Variants in PLA2R1 observed in about 807,000 individuals in gnomAD.
PLA2R1 encodes the protein secretory phospholipase A2 receptor.
A neutral mutation model predicts 195.9 loss-of-function variants in PLA2R1; 158 were observed. That is an observed-to-expected ratio of 0.81 (90% CI 0.71 to 0.92). The LOEUF (loss-of-function observed/expected upper bound fraction) is 0.92. PLA2R1 is among the 40% of genes least tolerant of loss of function. The pLI is 0.00. For missense variants in PLA2R1, 1,626 were observed against 1,764.6 expected (o/e 0.92, Z 1.41); for synonymous variants, 586 against 598.2 (o/e 0.98, Z 0.30).
intron 2 of PLA2R1, among the ~76,000 whole-genome samples, chr2:160,044,391 G>C (rs145348340): frequency 6.6e-6 from 1 of 152,112 alleles, no homozygotes; most frequent in African/African-American, 2.4e-5. Flanking sequence ...GAGAAATGGC[G>C]GCAGGGGAGG....
Position 159,977,366 on chromosome 2 carries a change from G to A in PLA2R1, c.2319C>T (p.Asn773=). Reference sequence around the variant, plus strand: ...TTTTGTTTGCCTTATAAACAGCACAGTTTCTTGCATCTTCTCCAAAATAAG... The same window carrying A: ...TTTTGTTTGCCTTATAAACAGCACAATTTCTTGCATCTTCTCCAAAATAAG... ...DNTYFGEDAR[N]CAVYKANKTL... is the part of the protein sequence containing the mutation. Residue 773 remains asparagine, a synonymous_variant, in exon 15 of 30, where the codon AAC becomes AAT. Coordinates refer to ENST00000283243, the MANE Select transcript of PLA2R1 (RefSeq NM_007366.5). 6.2e-7 allele frequency: 1 copy of A among 1,612,606 alleles called. No individual in the cohort carries two copies.
rs531075272 is a variant in PLA2R1 at position 160,020,159 on chromosome 2, C to G, written c.1399G>C (p.Glu467Gln). The G allele has an allele frequency of 6.2e-7, 1 of 1,613,710 alleles. No homozygotes were observed. Among genetic ancestry groups the G allele is most frequent in the Non-Finnish European group, 8.5e-7 (1 of 1,179,780 alleles). ...SVIFTNWHTL[E>Q]PHIFPNRSQL... ...CTTCTATTTGGAAAAATGTGGGGCT[C>G]AAGTGTGTGCCAATTAGTAAAGATG... The change falls in exon 8 of 30, where the codon GAG (glutamate) becomes CAG (glutamine). Residue 467 changes from glutamate (E) to glutamine (Q), a missense_variant. Coordinates refer to ENST00000283243, the MANE Select transcript of PLA2R1 (RefSeq NM_007366.5).
At chr2:159,984,931 C>T (rs1186199992) in intron 12 of PLA2R1, among the ~76,000 whole-genome samples, 1 of 152,178 alleles carries the variant, frequency 6.6e-6, no homozygotes, top group East Asian at 1.9e-4. Flanking sequence ...GTCCTGTGGA[C>T]CACAGCACAA....
At chr2:160,012,830 T>C (rs1263604012) in intron 10 of PLA2R1, among the ~76,000 whole-genome samples, 2 of 152,038 alleles carry the variant, frequency 1.3e-5, no homozygotes, top group Admixed American at 1.3e-4. Context: ...GATAATTGCT[T>C]GAACCTGGGA....
At chr2:159,957,957 G>A (rs1688202621) in intron 20 of PLA2R1, among the ~76,000 whole-genome samples, 1 of 152,168 alleles carries the variant, frequency 6.6e-6, no homozygotes, top group African/African-American at 2.4e-5. Flanking sequence ...GTCATTGATA[G>A]ATCAGATCCT....
intron 12 of PLA2R1, among the ~76,000 whole-genome samples, chr2:159,986,464 T>G (rs1382304384): frequency 1.3e-5 from 2 of 152,162 alleles, no homozygotes; most frequent in African/African-American, 2.4e-5. Context: ...CAAAACCTCC[T>G]GTCAGAGCTA....
At chr2:159,989,414 A>G (rs1690597933) in intron 11 of PLA2R1, among the ~76,000 whole-genome samples, 3 of 152,174 alleles carry the variant, frequency 2.0e-5, no homozygotes, top group Admixed American at 2.0e-4. Flanking sequence ...AAGAGAAGGG[A>G]ACGCACACAT....
Position 159,955,187 on chromosome 2 carries a change from A to G in PLA2R1, c.3301+12T>C, listed in dbSNP as rs1435636942. 5 of 1,594,290 alleles carry G rather than the reference A, an allele frequency of 3.1e-6. No individual in the cohort carries two copies. Among genetic ancestry groups the G allele is most frequent in the Non-Finnish European group, 4.3e-6 (5 of 1,169,240 alleles). ...TGGAAATGAAAGGAATAAAAACCCA[A>G]ATATTTCTTACCTTGCATTTTTTCA... On this transcript the variant is annotated intron_variant, in intron 23 of 29. Coordinates refer to ENST00000283243, the MANE Select transcript of PLA2R1 (RefSeq NM_007366.5).
chr2:159,979,723 A>T (rs1038024908), intron 14 of PLA2R1, 107 bp downstream of exon 14: 5 of 617,124 alleles, frequency 8.1e-6, no homozygotes, highest in Non-Finnish European at 1.5e-5. Context: ...CAGTTTTGTC[A>T]TGGGAGCTCT....
chr2:159,980,397 C>A (rs1428648520), intron 13 of PLA2R1, among the ~76,000 whole-genome samples: 3 of 152,222 alleles, frequency 2.0e-5, no homozygotes, highest in African/African-American at 7.2e-5. Context: ...CCTTTCACTA[C>A]TTTACTGTGT....
rs138886142 is a variant in PLA2R1, at chr2:159,979,279, C to A, written c.2268+551G>T. Among the ~76,000 whole-genome samples, 296 of 152,222 alleles carry A rather than the reference C, an allele frequency of 1.9e-3. 2 individuals carry two copies. The highest frequency in any genetic ancestry group is 3.6e-3 in the Non-Finnish European group (243 of 68,010). ...CTGGAAAAAAATACAATAGTGAGTTCTCTGTGTCCTTCATAGAGGTTTGCA... is the reference window on the plus strand; with the variant it reads ...CTGGAAAAAAATACAATAGTGAGTTATCTGTGTCCTTCATAGAGGTTTGCA... On this transcript the variant is annotated intron_variant, in intron 14 of 29. Transcript: ENST00000283243.
At chr2:160,022,887 AT>A in intron 6 of PLA2R1, 28 bp from the exon 7 acceptor site, 1 of 1,446,504 alleles carries the variant, frequency 6.9e-7, no homozygotes, top group Non-Finnish European at 9.5e-7. Flanking sequence ...AAACAATGTC[AT>A]TTTCCACAAT....
chr2:160,043,780 T>C (rs1417445860), intron 2 of PLA2R1, among the ~76,000 whole-genome samples: 1 of 152,252 alleles, frequency 6.6e-6, no homozygotes, highest in African/African-American at 2.4e-5. Context: ...TGCTTTATTT[T>C]AGTGAGTCCT....
chr2:160,002,500 A>G (rs1558898913), intron 11 of PLA2R1, among the ~76,000 whole-genome samples: 1 of 152,032 alleles, frequency 6.6e-6, no homozygotes, highest in East Asian at 1.9e-4. Context: ...AGCTGTATAC[A>G]AATGAAGAAA....
chr2:160,054,887 T>G (rs1245849365), intron 1 of PLA2R1, among the ~76,000 whole-genome samples: 2 of 152,238 alleles, frequency 1.3e-5, no homozygotes, highest in Non-Finnish European at 2.9e-5. Context: ...GAAGGGTTTA[T>G]AAATGTCTTA....
intron 11 of PLA2R1, among the ~76,000 whole-genome samples, chr2:160,000,278 A>T (rs796248044): frequency 5.9e-5 from 9 of 152,344 alleles, no homozygotes; most frequent in African/African-American, 2.2e-4. Flanking sequence ...TGTCTCTGTC[A>T]ATCTTGGGAG....
At chr2:159,924,728 C>A in the PLA2R1 span, among the ~76,000 whole-genome samples, 2 of 31,156 alleles carry the variant, frequency 6.4e-5, no homozygotes, top group East Asian at 4.2e-3. Context: ...ACTCTGGGGG[C>A]TGGGGGGGGG....
chr2:160,001,388 GA>G (rs1168683756), intron 11 of PLA2R1, among the ~76,000 whole-genome samples: 1 of 151,844 alleles, frequency 6.6e-6, no homozygotes, highest in Non-Finnish European at 1.5e-5. Flanking sequence ...TGGCAAGAAA[GA>G]AGAGAAAACA....
In PLA2R1 at chr2:159,984,071, T is replaced by C; in HGVS notation, c.2040A>G (p.Val680=). ...SEPGLASCFK[V]FHSEKVLMKR... ...TCATCAGAACTTTTTCACTATGAAA[T>C]ACCTGTATAGTAAAAGAAAATAAAT... Residue 680 remains valine (V), a splice_region_variant and synonymous_variant, in exon 13 of 30, where the codon GTA becomes GTG. Transcript: ENST00000283243. 5 of 1,469,492 alleles carry C rather than the reference T, an allele frequency of 3.4e-6. No homozygotes were observed. The highest frequency in any genetic ancestry group is 2.8e-6 in the Non-Finnish European group (3 of 1,057,578). 91.0% of individuals were successfully genotyped at this position (1,469,492 alleles called of 1,614,324 possible). A position where few individuals can be genotyped will look rare whatever the true frequency, so the allele number is the denominator to read the frequency against.
Sources: allele counts gnomAD v4.1 joint callset (sites outside exome capture counted in the v4.1 genomes callset), GRCh38; gene constraint gnomAD v4.1.1; transcripts MANE v1.5; gene names NCBI Gene and HGNC (gene_info 2026-07-23, HGNC 2026-07-21).